BMP6: variants seen among roughly 807,000 people sequenced by gnomAD.
The protein encoded by BMP6 is bone morphogenetic protein 6, also known as VG-1-R.
In BMP6, 17 loss-of-function variants were observed where a neutral mutation model predicts 54.1. That is an observed-to-expected ratio of 0.31 (90% CI 0.22 to 0.47). BMP6 has a LOEUF of 0.47. Among genes scored for constraint, BMP6 ranks in the 20% least tolerant of loss-of-function variants. BMP6 has a pLI of 1.00. For missense variants in BMP6, 720 were observed against 690.4 expected (o/e 1.04, Z -0.48); for synonymous variants, 328 against 291.2 (o/e 1.13, Z -1.28).
At chr6:7,748,719 A>G (rs753898774) in intron 1 of BMP6, among the ~76,000 whole-genome samples, 2 of 152,210 alleles carry the variant, frequency 1.3e-5, no homozygotes, top group Non-Finnish European at 2.9e-5. Flanking sequence ...TGAATGATCA[A>G]GATTCATTGC....
chr6:7,849,566 G>T (rs1215595876), intron 2 of BMP6, among the ~76,000 whole-genome samples: 1 of 152,130 alleles, frequency 6.6e-6, no homozygotes, highest in African/African-American at 2.4e-5. Context: ...TCTTTGTTCT[G>T]TAGCACCTTT....
chr6:7,758,328 TAA>T (rs1312579625), intron 1 of BMP6, among the ~76,000 whole-genome samples: 2 of 152,030 alleles, frequency 1.3e-5, no homozygotes, highest in African/African-American at 4.8e-5. Context: ...AGGAGCTGGA[TAA>T]AGAGATGATG....
chr6:7,849,296 C>A (rs192744630), intron 2 of BMP6, among the ~76,000 whole-genome samples: 1 of 152,298 alleles, frequency 6.6e-6, no homozygotes, highest in African/African-American at 2.4e-5. Context: ...CTTTGCAAAA[C>A]TTTGTTGATC....
intron 1 of BMP6, among the ~76,000 whole-genome samples, chr6:7,749,630 A>C (rs1757392498): frequency 6.6e-6 from 1 of 152,188 alleles, no homozygotes; most frequent in Non-Finnish European, 1.5e-5. Context: ...ATGAGCCTAC[A>C]CCCTGTATTA....
chr6:7,813,456 T>TAAA (rs1758470529), intron 1 of BMP6, among the ~76,000 whole-genome samples: 2 of 6,110 alleles, frequency 3.3e-4, no homozygotes, highest in Non-Finnish European at 5.5e-4. Context: ...TCCCTGTCTC[T>TAAA]ACAAAAAAAA....
At chr6:7,848,892 T>C (rs1759104897) in intron 2 of BMP6, among the ~76,000 whole-genome samples, 1 of 152,230 alleles carries the variant, frequency 6.6e-6, no homozygotes, top group Admixed American at 6.5e-5. Flanking sequence ...ATATAGTAGT[T>C]ACAGTTTGGA....
intron 1 of BMP6, among the ~76,000 whole-genome samples, chr6:7,833,060 G>A (rs947581155): frequency 5.3e-5 from 8 of 151,962 alleles, no homozygotes; most frequent in Non-Finnish European, 7.4e-5. Context: ...TGGACATGGG[G>A]CAAAATGCGA....
chr6:7,806,146 C>T (rs1758344338), intron 1 of BMP6, among the ~76,000 whole-genome samples: 1 of 152,240 alleles, frequency 6.6e-6, no homozygotes, highest in South Asian at 2.1e-4. Flanking sequence ...TCCTGGGGGC[C>T]CCGACATGGG....
At position 7,815,297 on chromosome 6, in the gene BMP6, CTA is replaced by C. The variant is rs1477620601; in HGVS notation, c.665-29841_665-29840del. Among the ~76,000 whole-genome samples, 6 of 152,316 alleles carry C rather than the reference CTA, an allele frequency of 3.9e-5. No individual in the cohort carries two copies. The South Asian group carries it at 1.0e-3, about 26-fold the overall frequency. Reference sequence around the variant, plus strand: ...ATTTTTGGATGTGCCGCAACTGCCTCTATGTGTGCAGAATAGCAGGGTGACTA... The same window carrying C: ...ATTTTTGGATGTGCCGCAACTGCCTCTGTGTGCAGAATAGCAGGGTGACTA... On this transcript the variant is annotated intron_variant, in intron 1 of 6. Coordinates refer to ENST00000283147, the MANE Select transcript of BMP6 (RefSeq NM_001718.6).
chr6:7,813,425 A>T (rs1431243877), intron 1 of BMP6, among the ~76,000 whole-genome samples: 3 of 123,316 alleles, frequency 2.4e-5, no homozygotes, highest in Non-Finnish European at 4.8e-5. Context: ...ATCTGAGACC[A>T]GCCTGGGCAA....
At chr6:7,779,957 C>T (rs1439204782) in intron 1 of BMP6, among the ~76,000 whole-genome samples, 1 of 152,094 alleles carries the variant, frequency 6.6e-6, no homozygotes, top group Non-Finnish European at 1.5e-5. Flanking sequence ...TCCCTGAAAC[C>T]ACAGGCCACC....
chr6:7,814,534 C>A (rs1758494729), intron 1 of BMP6, among the ~76,000 whole-genome samples: 1 of 152,048 alleles, frequency 6.6e-6, no homozygotes, highest in Non-Finnish European at 1.5e-5. Flanking sequence ...CCTTTTAAAT[C>A]TTATCCTTTG....
chr6:7,861,304 C>G, intron 2 of BMP6, 147 bp from the exon 3 acceptor site: 1 of 1,046,256 alleles, frequency 9.6e-7, no homozygotes, highest in Admixed American at 2.2e-5. Context: ...CCACGCCTTT[C>G]AGGGCTATGG....
At chr6:7,860,602 G>A (rs1290009998) in intron 2 of BMP6, among the ~76,000 whole-genome samples, 1 of 152,190 alleles carries the variant, frequency 6.6e-6, no homozygotes, top group Non-Finnish European at 1.5e-5. Flanking sequence ...CCTAATGGAA[G>A]GAATGGATTC....
chr6:7,805,904 C>T (rs1230560170), intron 1 of BMP6, among the ~76,000 whole-genome samples: 6 of 152,168 alleles, frequency 3.9e-5, no homozygotes, highest in African/African-American at 9.6e-5. Flanking sequence ...ATAGAAGGCA[C>T]GTTTGAATCT....
intron 1 of BMP6, among the ~76,000 whole-genome samples, chr6:7,767,162 A>G (rs1757705896): frequency 6.6e-6 from 1 of 151,618 alleles, no homozygotes; most frequent in Non-Finnish European, 1.5e-5. Context: ...AATTTTTTGT[A>G]TTTTTAGGAG....
At chr6:7,750,322 T>C (rs1405552128) in intron 1 of BMP6, among the ~76,000 whole-genome samples, 1 of 152,090 alleles carries the variant, frequency 6.6e-6, no homozygotes, top group Non-Finnish European at 1.5e-5. Flanking sequence ...TGTAGATACA[T>C]GGAACTTCCG....
intron 1 of BMP6, among the ~76,000 whole-genome samples, chr6:7,737,625 C>T (rs375634464): frequency 5.9e-5 from 9 of 151,830 alleles, no homozygotes; most frequent in African/African-American, 2.2e-4. Context: ...CCCTTTCTGT[C>T]TTGCTTTCCC....
chr6:7,860,118 A>T (rs970848602), intron 2 of BMP6, among the ~76,000 whole-genome samples: 84 of 152,296 alleles, frequency 5.5e-4, no homozygotes, highest in Non-Finnish European at 5.9e-5. Context: ...CTAGCTTGAG[A>T]TCTTGACCAC....
Sources: allele counts gnomAD v4.1 joint callset (sites outside exome capture counted in the v4.1 genomes callset), GRCh38; gene constraint gnomAD v4.1.1; transcripts MANE v1.5; gene names NCBI Gene and HGNC (gene_info 2026-07-23, HGNC 2026-07-21).